The following WNT16 variants were observed in gnomAD, a reference collection of about 807,000 sequenced individuals.
The protein encoded by WNT16 is Wnt family member 16.
WNT16 carries 20 observed loss-of-function variants against 35.4 expected under a neutral mutation model. The observed-to-expected ratio is 0.56, with a 90% CI of 0.40 to 0.82. The LOEUF (loss-of-function observed/expected upper bound fraction) is 0.82. Ranked by LOEUF, WNT16 falls within the 40% of genes least tolerant of loss-of-function variation. The probability of loss-of-function intolerance (pLI) is 0.00; values close to 1 mark genes in which losing one functional copy is unlikely to be tolerated. For missense variants in WNT16, 461 were observed against 466.0 expected, an observed-to-expected ratio of 0.99 and a Z score of 0.10; for synonymous variants, 180 against 179.2, an observed-to-expected ratio of 1.00 and a Z score of -0.03.
Position 121,329,692 on chromosome 7 carries a change from C to T in WNT16, c.221C>T (p.Ala74Val). 2 of 1,613,766 alleles carry T rather than the reference C, an allele frequency of 1.2e-6. No homozygotes were observed. Among genetic ancestry groups the T allele is most frequent in the Non-Finnish European group, 1.7e-6 (2 of 1,179,878 alleles). Residue 74 changes from alanine (A) to valine (V), a missense_variant, in exon 2 of 4, where the codon GCC (alanine) becomes GTC (valine). By Grantham distance (64) the Ala-to-Val change is moderately conservative. Coordinates refer to ENST00000222462, the MANE Select transcript of WNT16 (RefSeq NM_057168.2). The part of the protein sequence containing the change: ...PYLLPSIREG[A>V]RLGIQECGSQ... ...CTGCTGCCGAGCATCCGAGAGGGCG[C>T]CCGGCTGGGCATTCAGGAGTGCGGG... is the stretch of plus-strand genomic sequence containing the variant.
intron 3 of WNT16, among the ~76,000 whole-genome samples, chr7:121,335,325 A>G (rs1793423730): frequency 2.6e-5 from 4 of 152,134 alleles, no homozygotes; most frequent in Admixed American, 2.6e-4. Flanking sequence ...TACATTAAGT[A>G]TTAATGATGC....
At chr7:121,328,455 A>G (rs890799990), upstream of WNT16, among the ~76,000 whole-genome samples, 1 of 152,184 alleles carries the variant, frequency 6.6e-6, no homozygotes, top group East Asian at 1.9e-4. Context: ...CTCAAAATAA[A>G]TGCATACATA....
rs1018767560 is a variant in WNT16 at position 121,340,342 on chromosome 7, T to C, written c.*997T>C. ...TATATGATTTATATTAAAACATTTA[T>C]TGACAAAGCCTAAGAGCTAAGGCAG... is the stretch of plus-strand genomic sequence containing the variant. On this transcript the variant is annotated 3_prime_UTR_variant, in exon 4 of 4. Coordinates refer to ENST00000222462, the MANE Select transcript of WNT16 (RefSeq NM_057168.2). The C allele has an allele frequency of 2.0e-5, 3 of 152,306 alleles. No homozygotes were observed. Among genetic ancestry groups the C allele is most frequent in the East Asian group, 3.9e-4 (2 of 5,192 alleles). The allele number at this position is 152,306 out of a possible 1,614,324, so 9.4% of individuals were successfully genotyped here.
Position 121,329,830 on chromosome 7 carries a change from T to G in WNT16, c.346+13T>G, listed in dbSNP as rs1562874936. 3.8e-6 allele frequency: 6 copies of G among 1,596,662 alleles called. No individual in the cohort carries two copies. Among genetic ancestry groups the G allele is most frequent in the Non-Finnish European group, 5.1e-6 (6 of 1,177,832 alleles). ...GAGCTGAGCAGCGGTGAGTCCTGGG[T>G]CCTTAGGGGTTGGTGGGGGACGGAA... is the stretch of plus-strand genomic sequence containing the variant. On this transcript the variant is annotated intron_variant, in intron 2 of 3. Coordinates refer to ENST00000222462, the MANE Select transcript of WNT16 (RefSeq NM_057168.2).
chr7:121,329,085 C>T lies in WNT16; in HGVS notation c.-208C>T. On this transcript the variant is annotated 5_prime_UTR_variant, in exon 1 of 4. Coordinates refer to ENST00000222462, the MANE Select transcript of WNT16 (RefSeq NM_057168.2). Reference sequence around the variant, plus strand: ...CCCTGCGCAGGAGGAGATCCCCAGGCTGCTCTCTCCATCTCTCCTACAGCT... The same window carrying T: ...CCCTGCGCAGGAGGAGATCCCCAGGTTGCTCTCTCCATCTCTCCTACAGCT... The T allele has an allele frequency of 7.7e-7, 1 of 1,306,048 alleles. No homozygotes were observed. The highest frequency in any genetic ancestry group is 2.8e-5 in the South Asian group (1 of 36,052). The allele number at this position is 1,306,048 out of a possible 1,614,324, so 80.9% of individuals were successfully genotyped here.
At position 121,332,237 on chromosome 7, in the gene WNT16, C is replaced by CGTGTGTGTGTGTGTGTGTGT. The variant is rs56219125; in HGVS notation, c.633+289_633+290insGTGTGTGTGTGTGTGTGTGT. ...GGAGGCTTTGATTAGAATAAATATA[C>CGTGTGTGTGTGTGTGTGTGT]GTGTGTGTGTGTGTGTATACACATT... On this transcript the variant is annotated intron_variant, in intron 3 of 3. Transcript: ENST00000222462. Among the ~76,000 whole-genome samples the CGTGTGTGTGTGTGTGTGTGT allele has an allele frequency of 9.6e-4, 146 of 151,364 alleles. 2 individuals carry two copies. The highest frequency in any genetic ancestry group is 6.9e-3 in the Admixed American group (105 of 15,184).
chr7:121,335,721 C>G (rs1297703832), intron 3 of WNT16, among the ~76,000 whole-genome samples: 1 of 152,014 alleles, frequency 6.6e-6, no homozygotes, highest in Non-Finnish European at 1.5e-5. Context: ...CTTAAATATA[C>G]TTGCATTTTC....
In WNT16 at chr7:121,329,220, T is replaced by C; in HGVS notation, c.-73T>C. On this transcript the variant is annotated 5_prime_UTR_variant, in exon 1 of 4. Coordinates refer to ENST00000222462, the MANE Select transcript of WNT16 (RefSeq NM_057168.2). ...ATAACTTGGTGCTGGACAACTGACC[T>C]GCGGCCCGAAGGGCCTCTGGGGAGG... is the stretch of plus-strand genomic sequence containing the variant. 1 of 1,460,690 alleles carries C rather than the reference T, an allele frequency of 6.8e-7. No individual in the cohort carries two copies. The allele number at this position is 1,460,690 out of a possible 1,614,324, so 90.5% of individuals were successfully genotyped here. A position where few individuals can be genotyped will look rare whatever the true frequency, so the allele number is the denominator to read the frequency against.
rs1049296162 is a variant in WNT16 at position 121,329,023 on chromosome 7, T to A, written c.-270T>A. The A allele has an allele frequency of 8.2e-7, 1 of 1,212,814 alleles. No individual in the cohort carries two copies. The highest frequency in any genetic ancestry group is 1.6e-5 in the African/African-American group (1 of 63,976). 75.1% of individuals were successfully genotyped at this position (1,212,814 alleles called of 1,614,324 possible). A position where few individuals can be genotyped will look rare whatever the true frequency, so the allele number is the denominator to read the frequency against. On this transcript the variant is annotated 5_prime_UTR_variant, in exon 1 of 4. The change abolishes an upstream ATG in the 5' untranslated region. Coordinates refer to ENST00000222462, the MANE Select transcript of WNT16 (RefSeq NM_057168.2). ...TCAACAGAAGTTTCTCACCTAGGAA[T>A]GCGAGGGGCGCTCCCGCATCTCCTG...
upstream of WNT16, among the ~76,000 whole-genome samples, chr7:121,325,699 T>A (rs533480017): frequency 2.9e-3 from 444 of 151,878 alleles, 3 homozygotes; most frequent in South Asian, 0.014. Context: ...ACACACACAC[T>A]ATATATATGT....
In WNT16 at chr7:121,331,903, C is replaced by G; in HGVS notation, c.572C>G (p.Thr191Arg). The change falls in exon 3 of 4, where the codon ACG (threonine) becomes AGG (arginine). Residue 191 changes from threonine to arginine, a missense_variant. By Grantham distance (71) the Thr-to-Arg change is moderately conservative. Transcript: ENST00000222462. ...CTAGATTTCCCCATCGGAAACACCA[C>G]GGGCAAAGAAAACAAAGTACTATTA... ...KFLDFPIGNTTGKENKVLLAM... is the reference protein window; with the variant it reads ...KFLDFPIGNTRGKENKVLLAM... 1.2e-6 allele frequency: 2 copies of G among 1,614,018 alleles called. No homozygotes were observed. Among genetic ancestry groups the G allele is most frequent in the Non-Finnish European group, 1.7e-6 (2 of 1,180,036 alleles).
At chr7:121,335,308 CTA>C (rs1172301230) in intron 3 of WNT16, among the ~76,000 whole-genome samples, 5 of 152,070 alleles carry the variant, frequency 3.3e-5, no homozygotes, top group Non-Finnish European at 5.9e-5. Flanking sequence ...CAAGCGGTTT[CTA>C]TGTTTACATT....
At chr7:121,329,493 C>G (rs184758645) in intron 1 of WNT16, 74 bp from the exon 2 acceptor site, 4 of 1,597,906 alleles carry the variant, frequency 2.5e-6, no homozygotes, top group Admixed American at 3.4e-5. Flanking sequence ...GACCCTTAGA[C>G]GAGTGACCTA....
intron 3 of WNT16, among the ~76,000 whole-genome samples, chr7:121,332,928 T>C (rs960511076): frequency 2.0e-5 from 3 of 152,084 alleles, no homozygotes; most frequent in South Asian, 2.1e-4. Context: ...ATTTGACTTA[T>C]ACATATTCAC....
At chr7:121,328,998 T>G (rs1584674956), upstream of WNT16, 2 of 1,154,088 alleles carry the variant, frequency 1.7e-6, no homozygotes, top group East Asian at 7.9e-5. Flanking sequence ...CGCGGATACA[T>G]CAACAGAAGT....
At chr7:121,338,717 C>T (rs151224432) in intron 3 of WNT16, among the ~76,000 whole-genome samples, 164 bp from the exon 4 acceptor site, 63 of 152,312 alleles carry the variant, frequency 4.1e-4, no homozygotes, top group African/African-American at 1.5e-3. Flanking sequence ...AAGGACGAAA[C>T]ATTTGAAGCC....
rs1331855456 is a variant in WNT16 at position 121,340,084 on chromosome 7, T to C, written c.*739T>C. On this transcript the variant is annotated 3_prime_UTR_variant, in exon 4 of 4. Transcript: ENST00000222462. ...AACCTCCATAAGGTATATAGCAATC[T>C]TTGATCTTTAGATTCATACTTTTAT... is the stretch of plus-strand genomic sequence containing the variant. 1 of 152,208 alleles carries C rather than the reference T, an allele frequency of 6.6e-6. No individual in the cohort carries two copies. The highest frequency in any genetic ancestry group is 1.5e-5 in the Non-Finnish European group (1 of 68,026). The allele number at this position is 152,208 out of a possible 1,614,324, so 9.4% of individuals were successfully genotyped here. A position where few individuals can be genotyped will look rare whatever the true frequency, so the allele number is the denominator to read the frequency against.
In WNT16 at chr7:121,340,779, T is replaced by G. The variant is rs963734358; in HGVS notation, c.*1434T>G. 6.6e-6 allele frequency: 1 copy of G among 152,448 alleles called. No individual in the cohort carries two copies. The highest frequency in any genetic ancestry group is 2.4e-5 in the African/African-American group (1 of 41,448). 9.4% of individuals were successfully genotyped at this position (152,448 alleles called of 1,614,324 possible). On this transcript the variant is annotated 3_prime_UTR_variant, in exon 4 of 4. Coordinates refer to ENST00000222462, the MANE Select transcript of WNT16 (RefSeq NM_057168.2). ...TGTTTTTAATATTCATGCATGTATA[T>G]TCATCATATTTTACAAGGTTCCTGG...
At chr7:121,325,664 T>TAA (rs10629350), upstream of WNT16, among the ~76,000 whole-genome samples, 11,238 of 151,904 alleles carry the variant, frequency 0.074, 637 homozygotes, top group South Asian at 0.16. Flanking sequence ...TATATATATA[T>TAA]AACACCTAAC....
Sources: allele counts gnomAD v4.1 joint callset (sites outside exome capture counted in the v4.1 genomes callset), GRCh38; gene constraint gnomAD v4.1.1; transcripts MANE v1.5; gene names NCBI Gene and HGNC (gene_info 2026-07-23, HGNC 2026-07-21).